MYO9B: variants seen among roughly 807,000 people sequenced by gnomAD.
MYO9B encodes unconventional myosin-IXb.
Under a neutral mutation model 229.5 loss-of-function variants are expected in MYO9B, and 71 were observed. The ratio of observed to expected loss-of-function variants is 0.31; its 90% CI spans 0.26 to 0.38. MYO9B has a LOEUF of 0.38. MYO9B is among the 10% of genes least tolerant of loss of function. The probability of loss-of-function intolerance (pLI) is 1.00; values close to 1 mark genes in which losing one functional copy is unlikely to be tolerated. For synonymous variants in MYO9B, 1,185 were observed against 1,235.8 expected (o/e 0.96, Z 0.86); for missense variants, 2,255 against 2,920.5 (o/e 0.77, Z 5.25).
chr19:17,079,332 G>C (rs1484645933), intron 1 of MYO9B, among the ~76,000 whole-genome samples: 3 of 152,170 alleles, frequency 2.0e-5, no homozygotes, highest in African/African-American at 7.2e-5. Context: ...TGATAAAAAG[G>C]AGGAACCGTT....
chr19:17,205,916 A>C (rs1206976656), intron 31 of MYO9B, 44 bp from the exon 32 acceptor site: 2 of 1,508,430 alleles, frequency 1.3e-6, no homozygotes, highest in South Asian at 1.3e-5. Flanking sequence ...GCTGGAGAGG[A>C]AGACAGCCAG....
intron 9 of MYO9B, 96 bp from the exon 10 acceptor site, chr19:17,162,874 CAACAGGGACTGGGGACCT>C: frequency 9.3e-6 from 11 of 1,183,142 alleles, no homozygotes; most frequent in Non-Finnish European, 1.3e-5. Context: ...TTCTGCCGAG[CAACAGGGACTGGGGACCT>C]AACAGGTCAC....
intron 2 of MYO9B, among the ~76,000 whole-genome samples, chr19:17,140,078 A>T (rs1241608999): frequency 6.6e-6 from 1 of 151,892 alleles, no homozygotes; most frequent in Non-Finnish European, 1.5e-5. Context: ...GGATGGATGG[A>T]TGGGTGGATG....
At chr19:17,173,292 CTT>C (rs748043333) in intron 13 of MYO9B, among the ~76,000 whole-genome samples, 6 of 83,812 alleles carry the variant, frequency 7.2e-5, no homozygotes, top group Admixed American at 1.3e-4. Flanking sequence ...CTGTCTTGCT[CTT>C]TTTTTTTTTT....
In MYO9B at chr19:17,102,017, T is replaced by C; in HGVS notation, c.300T>C (p.Pro100=). The C allele has an allele frequency of 6.2e-7, 1 of 1,612,562 alleles. No homozygotes were observed. Among genetic ancestry groups the C allele is most frequent in the Non-Finnish European group, 8.5e-7 (1 of 1,179,862 alleles). ...CCCGGCGGGCACAGGACGAGCACCC[T>C]CAGGAGGATGGCTACTACTTCCTGC... ...LWPRRAQDEH[P]QEDGYYFLLQ... The change falls in exon 2 of 40, where the codon CCT becomes CCC. Residue 100 remains proline (P), a synonymous_variant. Transcript: ENST00000682292.
At chr19:17,120,309 C>G (rs76055269) in intron 2 of MYO9B, among the ~76,000 whole-genome samples, 4,495 of 152,242 alleles carry the variant, frequency 0.03, 221 homozygotes, top group African/African-American at 0.099. Context: ...GCTACTGCCC[C>G]TTTTCAGAGC....
rs1170168113 is a variant in MYO9B, at chr19:17,173,045, C to G, written c.2140+82C>G. 9 of 1,471,234 alleles carry G rather than the reference C, an allele frequency of 6.1e-6. No individual in the cohort carries two copies. In the Admixed American group the frequency reaches 7.7e-5, roughly 13 times the overall value. The allele number at this position is 1,471,234 out of a possible 1,614,324, so 91.1% of individuals were successfully genotyped here. ...TGAGTTCATCTTAAAGTGAACACTT[C>G]AGTGGCATTTAGTACATTCATTATG... On this transcript the variant is annotated intron_variant, in intron 13 of 39. Coordinates refer to ENST00000682292, the MANE Select transcript of MYO9B (RefSeq NM_004145.4).
intron 18 of MYO9B, among the ~76,000 whole-genome samples, 175 bp from the exon 19 acceptor site, chr19:17,187,760 G>C (rs932492358): frequency 6.6e-6 from 1 of 151,920 alleles, no homozygotes; most frequent in African/African-American, 2.4e-5. Flanking sequence ...CTCCCAGGTC[G>C]GCTAGCCAGC....
At chr19:17,105,490 G>A (rs1599327678) in intron 2 of MYO9B, among the ~76,000 whole-genome samples, 1 of 152,148 alleles carries the variant, frequency 6.6e-6, no homozygotes, top group African/African-American at 2.4e-5. Flanking sequence ...GCGAGACCCT[G>A]TCCCCCAAAA....
intron 1 of MYO9B, among the ~76,000 whole-genome samples, chr19:17,100,413 C>T (rs2145021085): frequency 6.6e-6 from 1 of 152,216 alleles, no homozygotes; most frequent in South Asian, 2.1e-4. Flanking sequence ...GCAGAGGTTG[C>T]AGTGAGCCGA....
In MYO9B at chr19:17,172,206, G is replaced by A. The variant is rs1205694314; in HGVS notation, c.1794-130G>A. Reference sequence around the variant, plus strand: ...CCCACCCCTCTGTGCACAGAGCCCTGTGCCACTTCACTGCTCTGCCCACCC... The same window carrying A: ...CCCACCCCTCTGTGCACAGAGCCCTATGCCACTTCACTGCTCTGCCCACCC... On this transcript the variant is annotated intron_variant, in intron 11 of 39. Transcript: ENST00000682292. This position sits in a 1 kb window ranked among gnomAD's most constrained non-coding sequence, Gnocchi z 8.2. The A allele has an allele frequency of 2.5e-6, 3 of 1,191,726 alleles. No homozygotes were observed. Among genetic ancestry groups the A allele is most frequent in the East Asian group, 5.1e-5 (2 of 39,474 alleles). 73.8% of individuals were successfully genotyped at this position (1,191,726 alleles called of 1,614,324 possible). A position where few individuals can be genotyped will look rare whatever the true frequency, so the allele number is the denominator to read the frequency against.
intron 10 of MYO9B, among the ~76,000 whole-genome samples, chr19:17,163,597 A>G (rs895888069): frequency 1.4e-4 from 22 of 152,052 alleles, no homozygotes; most frequent in African/African-American, 4.8e-4. Context: ...CGAACTCCTG[A>G]GCTCAGGCAA....
Position 17,193,201 on chromosome 19 carries a change from A to C in MYO9B, c.3128+139A>C. 2.0e-6 allele frequency: 2 copies of C among 1,021,536 alleles called. No homozygotes were observed. Among genetic ancestry groups the C allele is most frequent in the Non-Finnish European group, 2.7e-6 (2 of 743,476 alleles). 63.3% of individuals were successfully genotyped at this position (1,021,536 alleles called of 1,614,324 possible). A position where few individuals can be genotyped will look rare whatever the true frequency, so the allele number is the denominator to read the frequency against. On this transcript the variant is annotated intron_variant, in intron 21 of 39. Transcript: ENST00000682292. The surrounding 1 kb of genome is among the most constrained non-coding windows in gnomAD (Gnocchi z 4.3). ...TGGACACAGGGAAAGGCTGGTGGGA[A>C]ACCAGATGCCTAGGCACTCATGGGC...
chr19:17,112,568 A>G (rs552210040), intron 2 of MYO9B, among the ~76,000 whole-genome samples: 1 of 152,300 alleles, frequency 6.6e-6, no homozygotes, highest in South Asian at 2.1e-4. Context: ...TGAGGCTGAT[A>G]GCTGAGGACG....
At chr19:17,161,675 G>A (rs560283361) in intron 8 of MYO9B, among the ~76,000 whole-genome samples, 8 of 152,170 alleles carry the variant, frequency 5.3e-5, no homozygotes, top group African/African-American at 1.7e-4. Flanking sequence ...AATTAGCCAG[G>A]CATGGTGGTG....
intron 2 of MYO9B, among the ~76,000 whole-genome samples, chr19:17,125,307 C>CG (rs1568262361): frequency 2.9e-5 from 4 of 138,582 alleles, no homozygotes; most frequent in Non-Finnish European, 6.2e-5. Flanking sequence ...TCCCCCCCCC[C>CG]CCAAAAAAAG....
intron 2 of MYO9B, among the ~76,000 whole-genome samples, chr19:17,132,841 T>TTTTA (rs891444400): frequency 1.0e-4 from 15 of 149,710 alleles, no homozygotes; most frequent in Middle Eastern, 3.5e-3. Context: ...TTTATTTCTT[T>TTTTA]TTTATTTATT....
chr19:17,198,638 G>A (rs2073073081), intron 24 of MYO9B, among the ~76,000 whole-genome samples: 1 of 151,690 alleles, frequency 6.6e-6, no homozygotes, highest in African/African-American at 2.4e-5. Flanking sequence ...GGGAGGCTGA[G>A]GCAGGAGAAT....
At chr19:17,099,375 TGGGGGGA>T (rs1467889494) in intron 1 of MYO9B, 2 of 151,366 alleles carry the variant, frequency 1.3e-5, no homozygotes, top group African/African-American at 4.9e-5. Context: ...CAGAAGGTGA[TGGGGGGA>T]GGAGGGTGAG....
Sources: gnomAD v4.1 joint callset for allele counts (sites outside exome capture counted in the v4.1 genomes callset) on GRCh38, gnomAD v4.1.1 for gene constraint, Gnocchi (gnomAD v3.1) non-coding constraint, MANE v1.5 for transcripts, NCBI Gene and HGNC (gene_info 2026-07-23, HGNC 2026-07-21) for gene names.